RGS7: variants seen among roughly 807,000 people sequenced by gnomAD.
RGS7 encodes regulator of G protein signaling 7.
Under a neutral mutation model 81.1 loss-of-function variants are expected in RGS7, and 27 were observed. The observed-to-expected ratio is 0.33, with a 90% CI of 0.25 to 0.46. The LOEUF (loss-of-function observed/expected upper bound fraction) is 0.46. Ranked by LOEUF, RGS7 falls within the 20% of genes least tolerant of loss-of-function variation. RGS7 has a pLI of 1.00. For missense variants in RGS7, 396 were observed against 607.4 expected (o/e 0.65, Z 3.66); for synonymous variants, 208 against 207.7 (o/e 1.00, Z -0.01).
intron 3 of RGS7, among the ~76,000 whole-genome samples, chr1:241,095,137 G>A (rs2064159050): frequency 6.6e-6 from 1 of 152,116 alleles, no homozygotes; most frequent in Non-Finnish European, 1.5e-5. Context: ...CAAGCAAGGT[G>A]GCCACTGATC....
intron 6 of RGS7, among the ~76,000 whole-genome samples, chr1:240,895,190 CAAG>C (rs1668858248): frequency 6.6e-6 from 1 of 152,124 alleles, no homozygotes; most frequent in South Asian, 2.1e-4. Flanking sequence ...CACCAGAAGC[CAAG>C]AAGATGCCAG....
intron 2 of RGS7, among the ~76,000 whole-genome samples, chr1:241,316,516 G>T (rs1244304220): frequency 1.3e-5 from 2 of 152,180 alleles, no homozygotes; most frequent in Non-Finnish European, 2.9e-5. Context: ...CGGATTTGAG[G>T]AGCTGTATTC....
chr1:240,880,442 A>G (rs1304017157), intron 6 of RGS7, among the ~76,000 whole-genome samples: 1 of 152,192 alleles, frequency 6.6e-6, no homozygotes, highest in Non-Finnish European at 1.5e-5. Flanking sequence ...AATGCTATTA[A>G]TCTTGGGTTT....
chr1:241,152,344 A>T (rs184606209), intron 2 of RGS7, among the ~76,000 whole-genome samples: 1 of 152,344 alleles, frequency 6.6e-6, no homozygotes, highest in African/African-American at 2.4e-5. Context: ...AAAGTAGGAA[A>T]ATGCAGATAG....
At chr1:241,226,032 G>A (rs2075290818) in intron 2 of RGS7, among the ~76,000 whole-genome samples, 1 of 152,068 alleles carries the variant, frequency 6.6e-6, no homozygotes, top group African/African-American at 2.4e-5. Context: ...CAATCAAGAG[G>A]GCACTGCTGC....
intron 2 of RGS7, among the ~76,000 whole-genome samples, chr1:241,231,817 G>T (rs968489030): frequency 2.6e-5 from 4 of 152,122 alleles, no homozygotes; most frequent in Admixed American, 2.0e-4. Flanking sequence ...AAAGCAAAAG[G>T]TTTTAATTTT....
chr1:240,906,158 T>A (rs1670776398), intron 6 of RGS7, among the ~76,000 whole-genome samples: 4 of 152,224 alleles, frequency 2.6e-5, no homozygotes, highest in Admixed American at 2.0e-4. Flanking sequence ...ATCTATAAAG[T>A]TCACAACAAG....
At chr1:240,870,966 T>C (rs1664384776) in intron 6 of RGS7, among the ~76,000 whole-genome samples, 1 of 152,206 alleles carries the variant, frequency 6.6e-6, no homozygotes, top group Non-Finnish European at 1.5e-5. Flanking sequence ...TCCATTTTCC[T>C]GAGGAGTCGA....
At chr1:240,782,742 G>A (rs16840597) in intron 18 of RGS7, among the ~76,000 whole-genome samples, 3 of 152,190 alleles carry the variant, frequency 2.0e-5, no homozygotes, top group African/African-American at 7.2e-5. Context: ...CATTTTTATA[G>A]CTAAGTTTTA....
intron 2 of RGS7, among the ~76,000 whole-genome samples, chr1:241,156,161 G>GATAC (rs1430893444): frequency 1.4e-5 from 2 of 147,872 alleles, no homozygotes; most frequent in African/African-American, 5.3e-5. Flanking sequence ...TAGATAGATA[G>GATAC]ATAGATAGAT....
At chr1:241,214,958 T>C (rs1280017717) in intron 2 of RGS7, among the ~76,000 whole-genome samples, 3 of 152,218 alleles carry the variant, frequency 2.0e-5, no homozygotes, top group African/African-American at 7.2e-5. Context: ...ATGGATTCTT[T>C]ATGTGCTTAT....
At chr1:240,846,457 C>A (rs1224886914) in intron 9 of RGS7, among the ~76,000 whole-genome samples, 1 of 152,132 alleles carries the variant, frequency 6.6e-6, no homozygotes, top group Non-Finnish European at 1.5e-5. Flanking sequence ...TGTTCTCTTC[C>A]TCCTGCTTAC....
intron 4 of RGS7, among the ~76,000 whole-genome samples, chr1:240,964,442 TACA>T (rs1281197222): frequency 6.6e-6 from 1 of 152,092 alleles, no homozygotes; most frequent in Non-Finnish European, 1.5e-5. Flanking sequence ...GACACGGGAA[TACA>T]ACAAGATTGA....
chr1:240,856,708 T>C (rs1051703272), intron 9 of RGS7, among the ~76,000 whole-genome samples: 3 of 152,186 alleles, frequency 2.0e-5, no homozygotes, highest in African/African-American at 7.2e-5. Flanking sequence ...CTTCAAAAGA[T>C]AATTTTGAAT....
At chr1:241,350,716 T>C (rs145311314) in intron 2 of RGS7, among the ~76,000 whole-genome samples, 1,271 of 121,822 alleles carry the variant, frequency 0.01, 25 homozygotes, top group African/African-American at 0.039. Flanking sequence ...AAGACCAGTC[T>C]GGCCAATACA....
intron 3 of RGS7, among the ~76,000 whole-genome samples, chr1:241,087,524 G>A (rs541952321): frequency 2.7e-4 from 41 of 152,150 alleles, no homozygotes; most frequent in African/African-American, 9.4e-4. Flanking sequence ...TAGCAGAGTG[G>A]GTACATGGAA....
chr1:241,297,272 TAAG>T (rs2079484373), intron 2 of RGS7, among the ~76,000 whole-genome samples: 1 of 152,188 alleles, frequency 6.6e-6, no homozygotes, highest in African/African-American at 2.4e-5. Flanking sequence ...ACATACATTA[TAAG>T]AATAAATCCT....
chr1:240,835,909 C>T (rs57393153), intron 9 of RGS7, among the ~76,000 whole-genome samples: 9,404 of 152,178 alleles, frequency 0.062, 576 homozygotes, highest in African/African-American at 0.16. Flanking sequence ...ATAGTTTTGC[C>T]TTTTCCAGAT....
chr1:241,157,420 T>C (rs2069250559), intron 2 of RGS7, among the ~76,000 whole-genome samples: 1 of 152,320 alleles, frequency 6.6e-6, no homozygotes, highest in South Asian at 2.1e-4. Flanking sequence ...CCATGACTCA[T>C]AGTGTGTTCC....
Sources: allele counts gnomAD v4.1 joint callset (sites outside exome capture counted in the v4.1 genomes callset), GRCh38; gene constraint gnomAD v4.1.1; transcripts MANE v1.5; gene names NCBI Gene and HGNC (gene_info 2026-07-23, HGNC 2026-07-21).